Variants in CCDC68 observed in about 807,000 individuals in gnomAD.
CCDC68 encodes the protein coiled-coil domain-containing protein 68.
CCDC68 carries 45 observed loss-of-function variants against 47.1 expected under a neutral mutation model. The ratio of observed to expected loss-of-function variants is 0.96; its 90% confidence interval spans 0.75 to 1.23. The LOEUF is 1.23. CCDC68 is among the 50% of genes most tolerant of loss of function. CCDC68 has a pLI of 0.00. For synonymous variants in CCDC68, 131 were observed against 129.5 expected (o/e 1.01, Z -0.08); for missense variants, 353 against 373.6 (o/e 0.94, Z 0.45).
Position 54,938,099 on chromosome 18 carries a change from T to C in CCDC68, c.205-2A>G. 1 of 1,605,400 alleles carries C rather than the reference T, an allele frequency of 6.2e-7. No individual in the cohort carries two copies. The highest frequency in any genetic ancestry group is 8.5e-7 in the Non-Finnish European group (1 of 1,177,546). ...GCCCTGTTGAAGGTTTCCACAGTGC[T>C]GAAACGGACAAATGAAAATCATAGA... On this transcript the variant is annotated splice_acceptor_variant, in intron 4 of 11. Coordinates refer to ENST00000591504, the MANE Select transcript of CCDC68 (RefSeq NM_025214.3). LOFTEE classifies it high-confidence loss of function.
At chr18:54,914,369 G>A (rs1361708144) in intron 10 of CCDC68, among the ~76,000 whole-genome samples, 1 of 152,076 alleles carries the variant, frequency 6.6e-6, no homozygotes, top group East Asian at 1.9e-4. Flanking sequence ...TATAATCCCA[G>A]CACTTTGGGA....
Position 54,902,855 on chromosome 18 carries a change from A to G in CCDC68, c.*1503T>C, listed in dbSNP as rs1913760251. 1 of 152,194 alleles carries G rather than the reference A, an allele frequency of 6.6e-6. No individual in the cohort carries two copies. The highest frequency in any genetic ancestry group is 2.4e-5 in the African/African-American group (1 of 41,448). The allele number at this position is 152,194 out of a possible 1,614,324, so 9.4% of individuals were successfully genotyped here. On this transcript the variant is annotated 3_prime_UTR_variant, in exon 12 of 12. Transcript: ENST00000591504. Reference sequence around the variant, plus strand: ...AGTTAGCAGCTGGGCAAATTACTCAACCACTCTCAGTATCTTTCTCTGTAA... The same window carrying G: ...AGTTAGCAGCTGGGCAAATTACTCAGCCACTCTCAGTATCTTTCTCTGTAA...
intron 8 of CCDC68, among the ~76,000 whole-genome samples, chr18:54,922,452 T>C (rs1174163366): frequency 6.6e-6 from 1 of 152,034 alleles, no homozygotes; most frequent in Admixed American, 6.6e-5. Flanking sequence ...CAGATGTTGC[T>C]CAGAACCCTT....
At chr18:54,922,883 G>A (rs2044084047) in intron 8 of CCDC68, among the ~76,000 whole-genome samples, 3 of 151,158 alleles carry the variant, frequency 2.0e-5, no homozygotes, top group Admixed American at 6.6e-5. Flanking sequence ...AGCTACTTGG[G>A]AGACTGAGGT....
intron 10 of CCDC68, among the ~76,000 whole-genome samples, chr18:54,917,239 T>A (rs2043968991): frequency 6.6e-6 from 1 of 152,040 alleles, no homozygotes; most frequent in African/African-American, 2.4e-5. Context: ...CTTCTAGAAG[T>A]AGGTAAGCCT....
In CCDC68 at chr18:54,904,067, C is replaced by G. The variant is rs1440190824; in HGVS notation, c.*291G>C. ...AAACAATCCCAGTAGAAAAAAAAAT[C>G]TGAAAACAAGATTCAGATTTTTTTT... On this transcript the variant is annotated 3_prime_UTR_variant, in exon 12 of 12. Transcript: ENST00000591504. 1 of 260,060 alleles carries G rather than the reference C, an allele frequency of 3.8e-6. No individual in the cohort carries two copies. The highest frequency in any genetic ancestry group is 5.8e-5 in the Admixed American group (1 of 17,330). 16.1% of individuals were successfully genotyped at this position (260,060 alleles called of 1,614,324 possible).
At chr18:54,922,591 G>A (rs1434338147) in intron 8 of CCDC68, among the ~76,000 whole-genome samples, 1 of 152,092 alleles carries the variant, frequency 6.6e-6, no homozygotes, top group African/African-American at 2.4e-5. Context: ...GGTGGCTCAC[G>A]TCTGTAATTC....
intron 8 of CCDC68, among the ~76,000 whole-genome samples, chr18:54,924,309 A>T (rs1290116679): frequency 6.6e-6 from 1 of 151,980 alleles, no homozygotes; most frequent in African/African-American, 2.4e-5. Flanking sequence ...ACACAAGAAG[A>T]CTCTGAACAG....
chr18:54,914,186 A>G (rs1599030872), intron 10 of CCDC68, among the ~76,000 whole-genome samples: 1 of 152,362 alleles, frequency 6.6e-6, no homozygotes, highest in South Asian at 2.1e-4. Flanking sequence ...TGGACTTTTT[A>G]AAGCTCAAAT....
Position 54,917,948 on chromosome 18 carries a change from TTTCAA to T in CCDC68, c.833_837del (p.Ile278LysfsTer7). The T allele has an allele frequency of 6.3e-7, 1 of 1,574,846 alleles. No individual in the cohort carries two copies. Among genetic ancestry groups the T allele is most frequent in the Non-Finnish European group, 8.7e-7 (1 of 1,148,650 alleles). On this transcript the variant is annotated frameshift_variant, in exon 10 of 12. Transcript: ENST00000591504. LOFTEE classifies it high-confidence loss of function. The stretch of plus-strand genomic sequence containing the variant: ...AGTATGTTAACCTTTTCTCTGAGAT[TTTCAA>T]TTCTTTTGTCTTGTTCTTTTAAATT...
At chr18:54,912,170 T>C (rs1428253894) in intron 10 of CCDC68, among the ~76,000 whole-genome samples, 1 of 152,186 alleles carries the variant, frequency 6.6e-6, no homozygotes, top group Non-Finnish European at 1.5e-5. Flanking sequence ...CTTCAAAGTT[T>C]AGAAAATGGA....
In CCDC68 at chr18:54,936,826, T is replaced by C. The variant is rs751139197; in HGVS notation, c.471+7A>G. On this transcript the variant is annotated splice_region_variant and intron_variant, in intron 6 of 11. Transcript: ENST00000591504. Reference sequence around the variant, plus strand: ...GTTCTCCAATAGACAAGCTGCATGTTTGGTACCTGGAGTAATTGTTTACTG... The same window carrying C: ...GTTCTCCAATAGACAAGCTGCATGTCTGGTACCTGGAGTAATTGTTTACTG... The C allele has an allele frequency of 6.2e-7, 1 of 1,613,928 alleles. No individual in the cohort carries two copies. The highest frequency in any genetic ancestry group is 1.3e-5 in the African/African-American group (1 of 74,944).
intron 11 of CCDC68, among the ~76,000 whole-genome samples, 179 bp from the exon 12 acceptor site, chr18:54,904,594 C>A (rs1410228166): frequency 2.0e-5 from 3 of 152,170 alleles, no homozygotes; most frequent in African/African-American, 7.2e-5. Flanking sequence ...ACAGTAGAAT[C>A]GCATTGTGAA....
chr18:54,930,613 TCCCTTC>T (rs1568147290), intron 7 of CCDC68, among the ~76,000 whole-genome samples: 2 of 58,620 alleles, frequency 3.4e-5, no homozygotes, highest in East Asian at 4.9e-4. Context: ...CTTCCTTCCT[TCCCTTC>T]CCTTCCCCTC....
intron 10 of CCDC68, 135 bp from the exon 11 acceptor site, chr18:54,907,997 AG>A: frequency 1.6e-6 from 1 of 609,232 alleles, no homozygotes; most frequent in East Asian, 2.7e-5. Context: ...TATAGAACAC[AG>A]AAAATAGCCA....
chr18:54,948,764 G>A (rs544245271), intron 1 of CCDC68, among the ~76,000 whole-genome samples: 1 of 152,314 alleles, frequency 6.6e-6, no homozygotes, highest in African/African-American at 2.4e-5. Flanking sequence ...GTCTAAGGGA[G>A]GCTGTGATGA....
At position 54,936,764 on chromosome 18, in the gene CCDC68, T is replaced by G. The variant is rs1404319975; in HGVS notation, c.471+69A>C. 15 of 1,590,662 alleles carry G rather than the reference T, an allele frequency of 9.4e-6. 1 individual carries two copies. The highest frequency in any genetic ancestry group is 1.3e-5 in the Non-Finnish European group (15 of 1,162,270). The stretch of plus-strand genomic sequence containing the variant: ...TTGCTTGTTTCATTTCTAACTCTTC[T>G]AGAAAGATGAACTTCAACAGCTCAG... On this transcript the variant is annotated intron_variant, in intron 6 of 11. Transcript: ENST00000591504.
chr18:54,953,988 CTCCCCTCCCT>C (rs562253969), intron 1 of CCDC68, among the ~76,000 whole-genome samples: 32,972 of 83,372 alleles, frequency 0.4, 4,473 homozygotes, highest in East Asian at 0.62. Flanking sequence ...CTCCCCTCCC[CTCCCCTCCCT>C]TCCCCTCCCC....
At position 54,914,671 on chromosome 18, in the gene CCDC68, C is replaced by T. The variant is rs1009416308; in HGVS notation, c.873+3242G>A. On this transcript the variant is annotated intron_variant, in intron 10 of 11. Transcript: ENST00000591504. ...GAAAACACTGGCTTGGGTTGAGCTA[C>T]GTACAGAGACTCTAAGACAACACTG... Among the ~76,000 whole-genome samples, 15 of 152,216 alleles carry T rather than the reference C, an allele frequency of 9.9e-5. No individual in the cohort carries two copies. The South Asian group carries it at 2.3e-3, about 23-fold the overall frequency.
Sources: allele counts gnomAD v4.1 joint callset (sites outside exome capture counted in the v4.1 genomes callset), GRCh38; gene constraint gnomAD v4.1.1; transcripts MANE v1.5; gene names NCBI Gene and HGNC (gene_info 2026-07-23, HGNC 2026-07-21).